Variants in SRSF2 observed in about 807,000 individuals in gnomAD.
SRSF2 encodes the protein serine/arginine-rich splicing factor 2.
Under a neutral mutation model 15.7 loss-of-function variants are expected in SRSF2, and 4 were observed. The observed-to-expected ratio is 0.26, with a 90% CI of 0.13 to 0.58. SRSF2 has a LOEUF of 0.58. Among genes scored for constraint, SRSF2 ranks in the 20% least tolerant of loss-of-function variants. The pLI, the probability that SRSF2 is intolerant of heterozygous loss-of-function variation, is 0.90. For missense variants in SRSF2, 147 were observed against 332.4 expected, an observed-to-expected ratio of 0.44 and a Z score of 4.34; for synonymous variants, 192 against 138.9, an observed-to-expected ratio of 1.38 and a Z score of -2.69.
In SRSF2 at chr17:76,736,384, T is replaced by A; in HGVS notation, c.443A>T (p.Lys148Met). 1 of 1,614,000 alleles carries A rather than the reference T, an allele frequency of 6.2e-7. No homozygotes were observed. Among genetic ancestry groups the A allele is most frequent in the Non-Finnish European group, 8.5e-7 (1 of 1,180,004 alleles). Residue 148 changes from lysine (K) to methionine (M), a missense_variant, in exon 2 of 3, where the codon AAG becomes ATG. Lys to Met is a moderately conservative substitution (Grantham distance 95, BLOSUM62 -1). Coordinates refer to ENST00000359995, the MANE Select transcript of SRSF2 (RefSeq NM_001195427.2). Reference sequence around the variant, plus strand: ...TCGAGAACGAGTGCGGGACCGAGACTTCGAGCGGCTGTAGCGAGATCGGCT... The same window carrying A: ...TCGAGAACGAGTGCGGGACCGAGACATCGAGCGGCTGTAGCGAGATCGGCT... ...SRSRSRYSRS[K>M]SRSRTRSRSR...
At chr17:76,735,681 C>A (rs1175367181) in intron 2 of SRSF2, 1 of 253,722 alleles carries the variant, frequency 3.9e-6, no homozygotes, top group African/African-American at 2.2e-5. Context: ...TTGCCACATC[C>A]ATTAGAATAT....
chr17:76,736,855 G>A lies in SRSF2; in HGVS notation c.306C>T (p.Arg102=). ...CGTACCTGCGGGGTGGCGGTCCCCG[G>A]CGGCTGTGGTGTGAGTCCGGGGGGC... ...YGRPPDSHHS[R]RGPPPRRYGG... Residue 102 remains arginine (R), a synonymous_variant, in exon 1 of 3, where the codon CGC becomes CGT. Transcript: ENST00000359995. 1.2e-6 allele frequency: 2 copies of A among 1,607,530 alleles called. No individual in the cohort carries two copies. The highest frequency in any genetic ancestry group is 1.7e-6 in the Non-Finnish European group (2 of 1,177,438).
rs2077395496 is a variant in SRSF2, at chr17:76,735,107, CTA to C, written c.*57_*58del. 1 of 219,348 alleles carries C rather than the reference CTA, an allele frequency of 4.6e-6. No homozygotes were observed. Among genetic ancestry groups the C allele is most frequent in the African/African-American group, 2.2e-5 (1 of 44,642 alleles). 13.6% of individuals were successfully genotyped at this position (219,348 alleles called of 1,614,324 possible). On this transcript the variant is annotated 3_prime_UTR_variant, in exon 3 of 3. Transcript: ENST00000359995. ...GTTCCAAGGACTCTTCTTCGATGGA[CTA>C]TGTGGTCCTTTTTCCCCAAGTCCTC...
chr17:76,736,283 G>A lies in SRSF2; in HGVS notation c.544C>T (p.Arg182Trp), dbSNP rs2143925690. Residue 182 changes from arginine (R) to tryptophan (W), a missense_variant, in exon 2 of 3, where the codon CGG becomes TGG. Arg to Trp is a moderately radical substitution (Grantham distance 101). This residue lies in a region of SRSF2 where 125 missense variants were observed against 185.1 expected (regional missense o/e 0.68). Coordinates refer to ENST00000359995, the MANE Select transcript of SRSF2 (RefSeq NM_001195427.2). ...CTGGACCGAGACCGGGACCTGGACC[G>A]CGAACGAGATCTGGAGACCGACGAG... ...KSSSVSRSRS[R>W]SRSRSRSRSP... 1 of 1,614,168 alleles carries A rather than the reference G, an allele frequency of 6.2e-7. No individual in the cohort carries two copies. The highest frequency in any genetic ancestry group is 8.5e-7 in the Non-Finnish European group (1 of 1,180,016).
intron 2 of SRSF2, 116 bp downstream of exon 2, chr17:76,736,038 C>T: frequency 1.9e-6 from 2 of 1,079,036 alleles, no homozygotes; most frequent in Non-Finnish European, 2.7e-6. Flanking sequence ...GGTGAGTAAC[C>T]TCCGAGCAGC....
Position 76,736,271 on chromosome 17 carries a change from G to A in SRSF2, c.556C>T (p.Arg186Trp). 6.2e-7 allele frequency: 1 copy of A among 1,614,180 alleles called. No homozygotes were observed. The highest frequency in any genetic ancestry group is 2.2e-5 in the East Asian group (1 of 44,880). Reference sequence around the variant, plus strand: ...GGGGGAGGACTCCTGGACCGAGACCGGGACCTGGACCGCGAACGAGATCTG... The same window carrying A: ...GGGGGAGGACTCCTGGACCGAGACCAGGACCTGGACCGCGAACGAGATCTG... Reference protein sequence around the residue: ...VSRSRSRSRSRSRSRSPPPVS... With the variant: ...VSRSRSRSRSWSRSRSPPPVS... The change falls in exon 2 of 3, where the codon CGG becomes TGG. Residue 186 changes from arginine (R) to tryptophan (W), a missense_variant. Physicochemically the swap from Arg to Trp is moderately radical, Grantham distance 101. Coordinates refer to ENST00000359995, the MANE Select transcript of SRSF2 (RefSeq NM_001195427.2).
rs1278022609 is a variant in SRSF2, at chr17:76,736,792, C to G, written c.362+7G>C. The G allele has an allele frequency of 1.3e-6, 2 of 1,541,750 alleles. No homozygotes were observed. The highest frequency in any genetic ancestry group is 1.7e-6 in the Non-Finnish European group (2 of 1,148,858). On this transcript the variant is annotated splice_region_variant and intron_variant, in intron 1 of 2. Transcript: ENST00000359995. Reference sequence around the variant, plus strand: ...CCGCCTCCCGCGGTCCCCTCAGCCCCGTTTACCTGCGGCTCCGGCGTCCGT... The same window carrying G: ...CCGCCTCCCGCGGTCCCCTCAGCCCGGTTTACCTGCGGCTCCGGCGTCCGT...
In SRSF2 at chr17:76,734,286, C is replaced by A. The variant is rs747368913; in HGVS notation, c.*880G>T. The stretch of plus-strand genomic sequence containing the variant: ...TTAAGTTCATACATGTAGATATGAT[C>A]AGATTTACCATTTTTAGGGGGAAGA... On this transcript the variant is annotated 3_prime_UTR_variant, in exon 3 of 3. Transcript: ENST00000359995. 5 of 228,352 alleles carry A rather than the reference C, an allele frequency of 2.2e-5. No homozygotes were observed. The highest frequency in any genetic ancestry group is 1.1e-4 in the Admixed American group (2 of 17,512). The allele number at this position is 228,352 out of a possible 1,614,324, so 14.1% of individuals were successfully genotyped here. A position where few individuals can be genotyped will look rare whatever the true frequency, so the allele number is the denominator to read the frequency against.
rs1002911686 is a variant in SRSF2 at position 76,734,159 on chromosome 17, A to G, written c.*1007T>C. 4.7e-6 allele frequency: 1 copy of G among 211,706 alleles called. No homozygotes were observed. The highest frequency in any genetic ancestry group is 5.9e-5 in the Admixed American group (1 of 17,048). The allele number at this position is 211,706 out of a possible 1,614,324, so 13.1% of individuals were successfully genotyped here. A position where few individuals can be genotyped will look rare whatever the true frequency, so the allele number is the denominator to read the frequency against. On this transcript the variant is annotated 3_prime_UTR_variant, in exon 3 of 3. Coordinates refer to ENST00000359995, the MANE Select transcript of SRSF2 (RefSeq NM_001195427.2). ...CAAGAAAATGTTTTAATTAAACTAC[A>G]GAAACAATGGTTATAATACAGAATA... is the stretch of plus-strand genomic sequence containing the variant.
chr17:76,734,718 C>T lies in SRSF2; in HGVS notation c.*448G>A, dbSNP rs2077383728. 3 of 235,848 alleles carry T rather than the reference C, an allele frequency of 1.3e-5. No individual in the cohort carries two copies. Among genetic ancestry groups the T allele is most frequent in the Non-Finnish European group, 2.7e-5 (3 of 112,036 alleles). The allele number at this position is 235,848 out of a possible 1,614,324, so 14.6% of individuals were successfully genotyped here. A position where few individuals can be genotyped will look rare whatever the true frequency, so the allele number is the denominator to read the frequency against. On this transcript the variant is annotated 3_prime_UTR_variant, in exon 3 of 3. Transcript: ENST00000359995. ...GGTAAATAACATATACAAATTTACA[C>T]CAACTTTTGTAGGTTTTTAATTTTA...
chr17:76,735,135 C>T lies in SRSF2; in HGVS notation c.*31G>A, dbSNP rs866173571. 24 of 218,582 alleles carry T rather than the reference C, an allele frequency of 1.1e-4. No individual in the cohort carries two copies. Among genetic ancestry groups the T allele is most frequent in the African/African-American group, 4.7e-4 (21 of 44,442 alleles). The allele number at this position is 218,582 out of a possible 1,614,324, so 13.5% of individuals were successfully genotyped here. ...TGTGGTCCTTTTTCCCCAAGTCCTC[C>T]GTTTACACTGCTTGCCGATACATCT... is the stretch of plus-strand genomic sequence containing the variant. On this transcript the variant is annotated 3_prime_UTR_variant, in exon 3 of 3. Coordinates refer to ENST00000359995, the MANE Select transcript of SRSF2 (RefSeq NM_001195427.2).
upstream of SRSF2, chr17:76,737,335 C>A (rs376946601): frequency 7.1e-5 from 59 of 828,968 alleles, no homozygotes; most frequent in Non-Finnish European, 1.0e-4. Flanking sequence ...AACAACTGGG[C>A]GGGCAGCCGG....
chr17:76,736,716 G>A, intron 1 of SRSF2, 83 bp downstream of exon 1: 3 of 1,347,472 alleles, frequency 2.2e-6, no homozygotes, highest in Middle Eastern at 2.8e-4. Flanking sequence ...CGCACCACGT[G>A]CTTCGCCGCG....
chr17:76,736,512 G>A lies in SRSF2; in HGVS notation c.363-48C>T, dbSNP rs779853165. 6.4e-6 allele frequency: 10 copies of A among 1,573,428 alleles called. No homozygotes were observed. In the African/African-American group the frequency reaches 8.1e-5, roughly 13 times the overall value. The stretch of plus-strand genomic sequence containing the variant: ...CAGCGGGGTTAATTCCAGGCAGCGG[G>A]GCCGGCCCCGCCCGCGCGCTCCCGC... On this transcript the variant is annotated intron_variant, in intron 1 of 2. Coordinates refer to ENST00000359995, the MANE Select transcript of SRSF2 (RefSeq NM_001195427.2).
At position 76,737,010 on chromosome 17, in the gene SRSF2, T is replaced by A; in HGVS notation, c.151A>T (p.Thr51Ser). 1 of 1,613,418 alleles carries A rather than the reference T, an allele frequency of 6.2e-7. No individual in the cohort carries two copies. Among genetic ancestry groups the A allele is most frequent in the South Asian group, 1.1e-5 (1 of 91,066 alleles). ...GDVYIPRDRY[T>S]KESRGFAFVR... ...AAGGCGAAGCCGCGGGACTCCTTGG[T>A]GTAGCGGTCCCGCGGGATGTACACG... Residue 51 changes from threonine (T) to serine (S), a missense_variant, in exon 1 of 3, where the codon ACC becomes TCC. This residue lies in a region of SRSF2 where 22 missense variants were observed against 147.3 expected (regional missense o/e 0.15). Transcript: ENST00000359995.
rs1374398388 is a variant in SRSF2, at chr17:76,736,446, G to A, written c.381C>T (p.Arg127=). 1 of 1,612,392 alleles carries A rather than the reference G, an allele frequency of 6.2e-7. No individual in the cohort carries two copies. Among genetic ancestry groups the A allele is most frequent in the East Asian group, 2.2e-5 (1 of 44,876 alleles). ...RRSRSPRRRR[R]SRSRSRSRSR... is the part of the protein sequence containing the mutation. ...AACGACTCCGACTCCGGGATCGGCT[G>A]CGGCGACGCCGCCTAGGGCTGCGGG... Residue 127 remains arginine, a synonymous_variant, in exon 2 of 3, where the codon CGC becomes CGT. Transcript: ENST00000359995.
At chr17:76,736,004 C>CCT in intron 2 of SRSF2, 150 bp downstream of exon 2, 1 of 743,322 alleles carries the variant, frequency 1.3e-6, no homozygotes. Context: ...TCTGCAGACC[C>CCT]CTCTCTTCAG....
At position 76,737,296 on chromosome 17, in the gene SRSF2, A is replaced by G. The variant is rs1369116675; in HGVS notation, c.-136T>C. ...AAGGCCTTGCCGCAGAACAGCACGG[A>G]CGGGCTCCGCAGGCTAGCGCACCTG... is the stretch of plus-strand genomic sequence containing the variant. On this transcript the variant is annotated 5_prime_UTR_variant, in exon 1 of 3. Transcript: ENST00000359995. 3.2e-6 allele frequency: 4 copies of G among 1,255,456 alleles called. No individual in the cohort carries two copies. The highest frequency in any genetic ancestry group is 2.6e-5 in the East Asian group (1 of 38,666). 77.8% of individuals were successfully genotyped at this position (1,255,456 alleles called of 1,614,324 possible).
rs1160110943 is a variant in SRSF2 at position 76,734,149 on chromosome 17, A to C, written c.*1017T>G. On this transcript the variant is annotated 3_prime_UTR_variant, in exon 3 of 3. Coordinates refer to ENST00000359995, the MANE Select transcript of SRSF2 (RefSeq NM_001195427.2). ...AAGCTAACACCAAGAAAATGTTTTA[A>C]TTAAACTACAGAAACAATGGTTATA... is the stretch of plus-strand genomic sequence containing the variant. 1 of 209,816 alleles carries C rather than the reference A, an allele frequency of 4.8e-6. No individual in the cohort carries two copies. Among genetic ancestry groups the C allele is most frequent in the African/African-American group, 2.3e-5 (1 of 44,018 alleles). The allele number at this position is 209,816 out of a possible 1,614,324, so 13.0% of individuals were successfully genotyped here.
Sources: allele counts gnomAD v4.1 joint callset, GRCh38; gene constraint gnomAD v4.1.1; regional missense constraint gnomAD v4.1.1; transcripts MANE v1.5; gene names NCBI Gene and HGNC (gene_info 2026-07-23, HGNC 2026-07-21).